PDE1C: variants seen among roughly 807,000 people sequenced by gnomAD.
PDE1C encodes phosphodiesterase 1C, also known as dual specificity calcium/calmodulin-dependent 3',5'-cyclic nucleotide phosphodiesterase 1C.
In PDE1C, 62 loss-of-function variants were observed where a neutral mutation model predicts 93.1. The ratio of observed to expected loss-of-function variants is 0.67; its 90% CI spans 0.54 to 0.82. The LOEUF is 0.82. PDE1C is among the 40% of genes least tolerant of loss of function. PDE1C has a pLI of 0.00. For synonymous variants in PDE1C, 325 were observed against 310.1 expected, an observed-to-expected ratio of 1.05 and a Z score of -0.50; for missense variants, 742 against 884.6, an observed-to-expected ratio of 0.84 and a Z score of 2.04.
the PDE1C span, among the ~76,000 whole-genome samples, chr7:31,685,091 C>T: frequency 2.0e-5 from 3 of 151,760 alleles, no homozygotes; most frequent in African/African-American, 7.3e-5. Flanking sequence ...CACACAACAA[C>T]CTGAATGGAT....
At chr7:31,905,821 G>A (rs777782224) in intron 2 of PDE1C, among the ~76,000 whole-genome samples, 3 of 152,142 alleles carry the variant, frequency 2.0e-5, no homozygotes, top group East Asian at 1.9e-4. Context: ...GGAGGTAATC[G>A]AATCATGTGG....
chr7:31,651,099 A>G, the PDE1C span: 9 of 1,597,522 alleles, frequency 5.6e-6, no homozygotes, highest in East Asian at 1.8e-4. Context: ...CTTGCAGAGG[A>G]TCAGAGAGGA....
At chr7:32,294,255 A>C (rs1812505784) in intron 1 of PDE1C, among the ~76,000 whole-genome samples, 1 of 152,170 alleles carries the variant, frequency 6.6e-6, no homozygotes, top group Non-Finnish European at 1.5e-5. Flanking sequence ...AAGGAGGGAA[A>C]CACAAGGCAG....
chr7:31,865,162 T>G, intron 6 of PDE1C, 80 bp from the exon 7 acceptor site: 1 of 1,469,002 alleles, frequency 6.8e-7, no homozygotes, highest in East Asian at 2.3e-5. Context: ...GCACCAGGAC[T>G]GCTTTTTCTC....
At chr7:32,112,838 GTGTGTGTGTATATATATATATATATATA>G (rs1283067127) in intron 3 of PDE1C, among the ~76,000 whole-genome samples, 2 of 61,320 alleles carry the variant, frequency 3.3e-5, no homozygotes, top group African/African-American at 1.8e-4. Context: ...GTGTGTGTGT[GTGTGTGTGTATATATATATATATATATA>G]TATATATCTC....
intron 2 of PDE1C, among the ~76,000 whole-genome samples, chr7:32,017,986 A>AGCCCG (rs1788137653): frequency 6.6e-6 from 1 of 151,950 alleles, no homozygotes; most frequent in East Asian, 1.9e-4. Context: ...AGGCTGAGGT[A>AGCCCG]GGAGGATTGC....
chr7:32,192,976 G>A (rs572115477), intron 2 of PDE1C, among the ~76,000 whole-genome samples: 1 of 152,226 alleles, frequency 6.6e-6, no homozygotes, highest in Admixed American at 6.5e-5. Flanking sequence ...TACAGGAATA[G>A]AATTGATTTT....
intron 1 of PDE1C, among the ~76,000 whole-genome samples, chr7:32,240,566 G>A (rs1808470734): frequency 6.6e-6 from 1 of 152,190 alleles, no homozygotes; most frequent in African/African-American, 2.4e-5. Flanking sequence ...AAACATCTGA[G>A]CTGGTGAAAA....
chr7:32,077,837 G>C, intron 3 of PDE1C: 1 of 983,554 alleles, frequency 1.0e-6, no homozygotes, highest in South Asian at 4.7e-5. Context: ...CCAAAATGCT[G>C]GGATTACAGG....
At chr7:31,972,563 G>C (rs747632071) in intron 2 of PDE1C, among the ~76,000 whole-genome samples, 20 of 152,148 alleles carry the variant, frequency 1.3e-4, no homozygotes, top group Non-Finnish European at 2.6e-4. Context: ...TTTAGAAAAA[G>C]TAATGAGCTT....
intron 17 of PDE1C, among the ~76,000 whole-genome samples, chr7:31,755,445 T>C (rs1029404988): frequency 1.3e-5 from 2 of 152,098 alleles, no homozygotes; most frequent in Non-Finnish European, 2.9e-5. Context: ...CTGATCTTGG[T>C]TTCTAAAACC....
chr7:32,088,469 G>A (rs1051812712), intron 3 of PDE1C, among the ~76,000 whole-genome samples: 9 of 152,240 alleles, frequency 5.9e-5, no homozygotes, highest in African/African-American at 2.2e-4. Context: ...AGTATTTGGG[G>A]CCGGGCCTTT....
intron 1 of PDE1C, among the ~76,000 whole-genome samples, chr7:32,336,591 C>T (rs1238358067): frequency 2.6e-5 from 4 of 152,092 alleles, no homozygotes; most frequent in African/African-American, 4.8e-5. Flanking sequence ...GATGTGTATA[C>T]CTCTGTGAAG....
chr7:32,232,205 T>C (rs1268148266), intron 1 of PDE1C, among the ~76,000 whole-genome samples: 6 of 152,206 alleles, frequency 3.9e-5, no homozygotes, highest in Non-Finnish European at 2.9e-5. Context: ...TTTCCTGTCA[T>C]GTACTCTGAT....
chr7:31,711,398 G>GA, the PDE1C span, among the ~76,000 whole-genome samples: 1 of 152,098 alleles, frequency 6.6e-6, no homozygotes, highest in Non-Finnish European at 1.5e-5. Flanking sequence ...ATTCAATCAT[G>GA]AAAAAACTAA....
the PDE1C span, among the ~76,000 whole-genome samples, chr7:31,620,285 G>A: frequency 1.3e-5 from 2 of 152,190 alleles, no homozygotes; most frequent in Non-Finnish European, 2.9e-5. Flanking sequence ...CTGGAGATCT[G>A]AGAACGGGCA....
intron 2 of PDE1C, among the ~76,000 whole-genome samples, chr7:31,988,669 G>C (rs894781314): frequency 1.3e-5 from 2 of 152,102 alleles, no homozygotes; most frequent in Admixed American, 6.6e-5. Flanking sequence ...TTCAGCCTGG[G>C]GACAACAGAG....
At chr7:32,003,930 G>A (rs1785808807) in intron 2 of PDE1C, among the ~76,000 whole-genome samples, 2 of 152,162 alleles carry the variant, frequency 1.3e-5, no homozygotes, top group African/African-American at 4.8e-5. Flanking sequence ...GTTTTATTAA[G>A]AAGAGTGAGG....
rs534560450 is a variant in PDE1C, at chr7:32,378,944, A to G, written c.310+48878T>C. Among the ~76,000 whole-genome samples the G allele has an allele frequency of 2.0e-4, 31 of 152,332 alleles. No homozygotes were observed. In the South Asian group the frequency reaches 6.0e-3, roughly 30 times the overall value. On this transcript the variant is annotated intron_variant, in intron 1 of 1. Coordinates refer to the PDE1C transcript ENST00000672256. ...GGTCTTTTTTGGTGCAGCCAGCAGG[A>G]ATAACCTATCAGGCAGTTACAATCT... is the stretch of plus-strand genomic sequence containing the variant.
Sources: allele counts gnomAD v4.1 joint callset (sites outside exome capture counted in the v4.1 genomes callset), GRCh38; gene constraint gnomAD v4.1.1; transcripts MANE v1.5; gene names NCBI Gene and HGNC (gene_info 2026-07-23, HGNC 2026-07-21).